Variants in TTN observed in about 807,000 individuals in gnomAD.
TTN encodes the protein titin.
In TTN, 1,525 loss-of-function variants were observed where a neutral mutation model predicts 3,223.0. The ratio of observed to expected loss-of-function variants is 0.47; its 90% CI spans 0.45 to 0.49. The LOEUF is 0.49. Among genes scored for constraint, TTN ranks in the 20% least tolerant of loss-of-function variants. The pLI is 0.00. For missense variants in TTN, 40,786 were observed against 43,424.0 expected, an observed-to-expected ratio of 0.94 and a Z score of 5.40; for synonymous variants, 14,094 against 15,161.0, an observed-to-expected ratio of 0.93 and a Z score of 5.17.
At chr2:178,695,586 A>T (rs1025152276) in intron 114 of TTN, among the ~76,000 whole-genome samples, 176 bp from the exon 115 acceptor site, 1 of 152,028 alleles carries the variant, frequency 6.6e-6, no homozygotes, top group Non-Finnish European at 1.5e-5. Flanking sequence ...TCAAGCAGAG[A>T]TGCAACAAGG....
In TTN at chr2:178,634,304, T is replaced by G; in HGVS notation, c.42415+62A>C. 6.4e-7 allele frequency: 1 copy of G among 1,558,710 alleles called. No individual in the cohort carries two copies. Among genetic ancestry groups the G allele is most frequent in the South Asian group, 1.2e-5 (1 of 82,654 alleles). On this transcript the variant is annotated intron_variant, in intron 230 of 362. Transcript: ENST00000589042. This position sits in a 1 kb window ranked among gnomAD's most constrained non-coding sequence, Gnocchi z 4.6. ...ACAGCTTTTAGAACTTGGCGTCCTA[T>G]CTTTAAAGTCATATATTTGCATGCC... is the stretch of plus-strand genomic sequence containing the variant.
chr2:178,578,409 T>C (rs1451036453), intron 321 of TTN, among the ~76,000 whole-genome samples: 2 of 152,070 alleles, frequency 1.3e-5, no homozygotes, highest in East Asian at 1.9e-4. Context: ...CAAAAATAGA[T>C]ATTATAATTA....
chr2:178,687,205 C>T (rs909751826), intron 127 of TTN, among the ~76,000 whole-genome samples: 1 of 152,234 alleles, frequency 6.6e-6, no homozygotes, highest in Admixed American at 6.5e-5. Context: ...CATCTTCTCA[C>T]TGGGGAGAGA....
At position 178,582,421 on chromosome 2, in the gene TTN, A is replaced by G. The variant is rs1356992317; in HGVS notation, c.66035T>C (p.Ile22012Thr). 6.2e-7 allele frequency: 1 copy of G among 1,612,926 alleles called. No individual in the cohort carries two copies. Among genetic ancestry groups the G allele is most frequent in the Non-Finnish European group, 8.5e-7 (1 of 1,179,342 alleles). Residue 22012 changes from isoleucine (I) to threonine (T), a missense_variant, in exon 314 of 363, where the codon ATC becomes ACC. Ile to Thr is a moderately conservative substitution (Grantham distance 89). Transcript: ENST00000589042. Reference protein sequence around the residue: ...NWAQVSATVPITSCSVEKLIE... With the variant: ...NWAQVSATVPTTSCSVEKLIE... The stretch of plus-strand genomic sequence containing the variant: ...AAGTTTCTCCACGCTGCAGCTGGTG[A>G]TAGGCACAGTTGCAGAGACTTGAGC...
At chr2:178,753,034 C>G in intron 47 of TTN, 90 bp downstream of exon 47, 1 of 1,029,314 alleles carries the variant, frequency 9.7e-7, no homozygotes, top group Non-Finnish European at 1.5e-6. Flanking sequence ...TCATTTTTTT[C>G]TCAATAATAC....
chr2:178,527,968 C>A (rs59100089), intron 361 of TTN: 50 of 545,582 alleles, frequency 9.2e-5, no homozygotes, highest in African/African-American at 8.6e-4. Flanking sequence ...CATTACATTA[C>A]ATGCAGGTGC....
chr2:178,557,271 A>T lies in TTN; in HGVS notation c.87991T>A (p.Leu29331Met). Reference protein sequence around the residue: ...GKPSHPSEPVLAIDACEPPRN... With the variant: ...GKPSHPSEPVMAIDACEPPRN... ...TACGTACCACAAGCATCAATTGCCA[A>T]GACTGGTTCAGAAGGATGGCTAGGT... Residue 29331 changes from leucine (L) to methionine (M), a missense_variant, in exon 329 of 363, where the codon TTG becomes ATG. Transcript: ENST00000589042. The T allele has an allele frequency of 1.2e-6, 2 of 1,613,892 alleles. No individual in the cohort carries two copies. Among genetic ancestry groups the T allele is most frequent in the Non-Finnish European group, 1.7e-6 (2 of 1,179,854 alleles).
chr2:178,671,890 C>T, intron 155 of TTN, 81 bp downstream of exon 155: 1 of 1,488,948 alleles, frequency 6.7e-7, no homozygotes, highest in East Asian at 2.3e-5. Flanking sequence ...TCTAATCTTC[C>T]AAACTGAACA....
chr2:178,707,804 T>A lies in TTN; in HGVS notation c.28763A>T (p.Lys9588Met). Residue 9588 changes from lysine to methionine, a missense_variant, in exon 100 of 363, where the codon AAG (lysine) becomes ATG (methionine). Transcript: ENST00000589042. ...AAGGTGCTGATCAAATACAGGTGGC[T>A]TCTTAGGTTCTGGAATTGAAAAGGT... ...TSSIVIKEPK[K>M]PPVFDQHLTP... 1 of 1,584,726 alleles carries A rather than the reference T, an allele frequency of 6.3e-7. No homozygotes were observed. The highest frequency in any genetic ancestry group is 8.6e-7 in the Non-Finnish European group (1 of 1,162,062).
Position 178,740,967 on chromosome 2 carries a change from T to C in TTN, c.12266A>G (p.Asn4089Ser), listed in dbSNP as rs1381970046. 3 of 1,613,894 alleles carry C rather than the reference T, an allele frequency of 1.9e-6. No homozygotes were observed. Residue 4089 changes from asparagine to serine, a missense_variant, in exon 48 of 363, where the codon AAC (asparagine) becomes AGC (serine). Coordinates refer to ENST00000589042, the MANE Select transcript of TTN (RefSeq NM_001267550.2). ...ILKAALITEE[N>S]QQLSYEHIAK... ...AATATGCTCATAAGATAGTTGCTGGTTTTCTTCTGTAATTAAAGCAGCTTT... is the reference window on the plus strand; with the variant it reads ...AATATGCTCATAAGATAGTTGCTGGCTTTCTTCTGTAATTAAAGCAGCTTT...
In TTN at chr2:178,799,609, T is replaced by C; in HGVS notation, c.792A>G (p.Arg264=). The change falls in exon 6 of 363, where the codon AGA becomes AGG. Residue 264 remains arginine (R), a synonymous_variant. Coordinates refer to ENST00000589042, the MANE Select transcript of TTN (RefSeq NM_001267550.2). ...CAGCAATAGACGGTGGTGTTGGGGA[T>C]CTTGACTTTGGCTTCGGAGGAATCC... The part of the protein sequence containing the change: ...PPRIPPKPKS[R]SPTPPSIAAK... 6.2e-7 allele frequency: 1 copy of C among 1,613,998 alleles called. No homozygotes were observed. Among genetic ancestry groups the C allele is most frequent in the Non-Finnish European group, 8.5e-7 (1 of 1,180,004 alleles).
At chr2:178,799,309 C>A in intron 6 of TTN, 178 bp downstream of exon 6, 1 of 926,904 alleles carries the variant, frequency 1.1e-6, no homozygotes, top group Non-Finnish European at 1.6e-6. Context: ...TCCAGAGGAA[C>A]ACGGAGCCCC....
chr2:178,696,845 T>C (rs1248159423), intron 113 of TTN, among the ~76,000 whole-genome samples: 1 of 152,098 alleles, frequency 6.6e-6, no homozygotes, highest in Non-Finnish European at 1.5e-5. Flanking sequence ...TTGTGTTAAC[T>C]ACAATAAAAA....
At chr2:178,678,608 A>C in intron 143 of TTN, 111 bp from the exon 144 acceptor site, 2 of 1,143,866 alleles carry the variant, frequency 1.7e-6, no homozygotes, top group Middle Eastern at 2.3e-4. Flanking sequence ...AGGTATTCCA[A>C]GAAGCATTTT....
chr2:178,583,824 G>T lies in TTN; in HGVS notation c.65358C>A (p.Gly21786=). 2 of 1,609,750 alleles carry T rather than the reference G, an allele frequency of 1.2e-6. No individual in the cohort carries two copies. The change falls in exon 312 of 363, where the codon GGC becomes GGA. Residue 21786 remains glycine, a synonymous_variant. Coordinates refer to ENST00000589042, the MANE Select transcript of TTN (RefSeq NM_001267550.2). ...CTACGAAATAGCCAATAATTTTACT[G>T]CCTCCATCATGCTTTGGACGAGCCC... ...LIWARPKHDG[G]SKIIGYFVEA... is the part of the protein sequence containing the mutation.
rs777096848 is a variant in TTN at position 178,710,744 on chromosome 2, G to C, written c.28353C>G (p.Ser9451Arg). Residue 9451 changes from serine to arginine, a missense_variant, in exon 98 of 363, where the codon AGC becomes AGG. Physicochemically the swap from Ser to Arg is moderately radical, Grantham distance 110. Transcript: ENST00000589042. ...CTACTTTGAGGACTGTCAGGTGGGC[G>C]CTGTTTTCCAGATAACTAATCTGGT... ...GKYQISYLEN[S>R]AHLTVLKVDK... The C allele has an allele frequency of 6.2e-6, 10 of 1,613,832 alleles. No homozygotes were observed. Among genetic ancestry groups the C allele is most frequent in the Non-Finnish European group, 8.5e-6 (10 of 1,179,820 alleles).
rs1458830929 is a variant in TTN, at chr2:178,532,871, C to G, written c.103744G>C (p.Gly34582Arg). Residue 34582 changes from glycine (G) to arginine (R), a missense_variant, in exon 358 of 363, where the codon GGG becomes CGG. Coordinates refer to ENST00000589042, the MANE Select transcript of TTN (RefSeq NM_001267550.2). Reference protein sequence around the residue: ...KKIRDQYEMPGKLDRVVQKRP... With the variant: ...KKIRDQYEMPRKLDRVVQKRP... ...TTCTGTACAACTCTGTCAAGTTTCC[C>G]AGGCATTTCATACTGATCACGTATC... 3.0e-5 allele frequency: 49 copies of G among 1,613,822 alleles called. No homozygotes were observed. The highest frequency in any genetic ancestry group is 4.2e-5 in the Non-Finnish European group (49 of 1,179,862).
chr2:178,793,669 G>T (rs182649933), intron 8 of TTN, 128 bp from the exon 9 acceptor site: 81 of 1,272,608 alleles, frequency 6.4e-5, no homozygotes, highest in Admixed American at 5.8e-4. Flanking sequence ...GTGTGGTGGC[G>T]CACACCTGTA....
chr2:178,553,969 A>C lies in TTN; in HGVS notation c.89142T>G (p.Ala29714=). 6.2e-7 allele frequency: 1 copy of C among 1,611,716 alleles called. No individual in the cohort carries two copies. The highest frequency in any genetic ancestry group is 8.5e-7 in the Non-Finnish European group (1 of 1,179,650). ...YQYRVCAVNA[A]GQGPFSEPSE... ...ATGGTTCAGAAAATGGACCCTGTCC[A>C]GCAGCGTTTACAGCACAAACTCTGT... Residue 29714 remains alanine, a synonymous_variant, in exon 333 of 363, where the codon GCT becomes GCG. Transcript: ENST00000589042.
Sources: allele counts gnomAD v4.1 joint callset (sites outside exome capture counted in the v4.1 genomes callset), GRCh38; gene constraint gnomAD v4.1.1; non-coding constraint Gnocchi (gnomAD v3.1); transcripts MANE v1.5; gene names NCBI Gene and HGNC (gene_info 2026-07-23, HGNC 2026-07-21).